Variants in PAX7 observed in about 807,000 individuals in gnomAD.
The protein encoded by PAX7 is paired box 7, also known as paired box protein Pax-7.
In PAX7, 18 loss-of-function variants were observed where a neutral mutation model predicts 50.7. That is an observed-to-expected ratio of 0.36 (90% CI 0.25 to 0.53). The LOEUF (loss-of-function observed/expected upper bound fraction) is 0.53. Ranked by LOEUF, PAX7 falls within the 20% of genes least tolerant of loss-of-function variation. PAX7 has a pLI of 0.93. For synonymous variants in PAX7, 310 were observed against 290.4 expected (o/e 1.07, Z -0.69); for missense variants, 644 against 702.9 (o/e 0.92, Z 0.95).
At chr1:18,721,026 G>A (rs866497030) in intron 7 of PAX7, among the ~76,000 whole-genome samples, 19 of 152,116 alleles carry the variant, frequency 1.2e-4, no homozygotes, top group Non-Finnish European at 2.4e-4. Context: ...GTTGGTCCAC[G>A]GGAGCAGCAG....
chr1:18,651,633 GA>G (rs1219408272), intron 4 of PAX7, among the ~76,000 whole-genome samples: 2 of 152,212 alleles, frequency 1.3e-5, no homozygotes, highest in Non-Finnish European at 2.9e-5. Flanking sequence ...TGAATCCGCA[GA>G]ATTAATTTAT....
chr1:18,688,556 A>G (rs2089010913), intron 4 of PAX7, among the ~76,000 whole-genome samples: 1 of 152,272 alleles, frequency 6.6e-6, no homozygotes, highest in Non-Finnish European at 1.5e-5. Context: ...GTCATCGCAG[A>G]AACTTCTATT....
chr1:18,670,563 G>A (rs1041960999), intron 4 of PAX7, among the ~76,000 whole-genome samples: 5 of 152,030 alleles, frequency 3.3e-5, no homozygotes, highest in African/African-American at 7.3e-5. Context: ...GCTTTCCCTC[G>A]GGCCTGAGCT....
intron 4 of PAX7, among the ~76,000 whole-genome samples, chr1:18,648,593 T>C (rs1364446947): frequency 2.0e-5 from 3 of 152,164 alleles, no homozygotes; most frequent in Non-Finnish European, 2.9e-5. Flanking sequence ...TCCTCCCATC[T>C]TGGCCTCCCA....
chr1:18,719,437 G>A (rs1046965455), intron 7 of PAX7, among the ~76,000 whole-genome samples: 17 of 152,314 alleles, frequency 1.1e-4, no homozygotes, highest in South Asian at 2.1e-4. Flanking sequence ...GTGCGCTCTC[G>A]GAACCCAGCC....
chr1:18,706,086 T>C (rs1412730367), intron 7 of PAX7, among the ~76,000 whole-genome samples: 1 of 152,136 alleles, frequency 6.6e-6, no homozygotes, highest in Non-Finnish European at 1.5e-5. Flanking sequence ...TTTCTGGGTC[T>C]TGTACAAAAG....
intron 6 of PAX7, among the ~76,000 whole-genome samples, chr1:18,701,611 G>A (rs567067089): frequency 6.6e-6 from 1 of 152,216 alleles, no homozygotes; most frequent in East Asian, 1.9e-4. Context: ...GCCTCTCTCT[G>A]GAAAGATCCA....
intron 4 of PAX7, among the ~76,000 whole-genome samples, chr1:18,661,815 GC>G (rs1469133839): frequency 6.6e-6 from 1 of 152,196 alleles, no homozygotes; most frequent in African/African-American, 2.4e-5. Context: ...ATGGAGCACA[GC>G]CCTGCCCTCT....
rs2088158317 is a variant in PAX7 at position 18,636,431 on chromosome 1, G to C, written c.586+60G>C. 2.6e-6 allele frequency: 4 copies of C among 1,565,286 alleles called. No individual in the cohort carries two copies. Among genetic ancestry groups the C allele is most frequent in the African/African-American group, 1.4e-5 (1 of 72,756 alleles). Reference sequence around the variant, plus strand: ...CGGGTTTTCCCACGCTCCGGTGTGCGGGCCAGTGGTTCGCTCCCGCCGCCG... The same window carrying C: ...CGGGTTTTCCCACGCTCCGGTGTGCCGGCCAGTGGTTCGCTCCCGCCGCCG... On this transcript the variant is annotated intron_variant, in intron 4 of 8. Transcript: ENST00000420770. The surrounding 1 kb of genome is among the most constrained non-coding windows in gnomAD (Gnocchi z 5.1).
At position 18,663,647 on chromosome 1, in the gene PAX7, G is replaced by A. The variant is rs555538094; in HGVS notation, c.586+27276G>A. ...TCCACCCGTCTCGGCCTCCCAAAGT[G>A]CTGGGCTTACAGGCGTGAGCCACCA... On this transcript the variant is annotated intron_variant, in intron 4 of 8. Transcript: ENST00000420770. Among the ~76,000 whole-genome samples the A allele has an allele frequency of 9.1e-4, 138 of 152,314 alleles. 2 individuals carry two copies. The South Asian group carries it at 0.012, about 13-fold the overall frequency.
At chr1:18,651,700 C>A (rs1362811790) in intron 4 of PAX7, among the ~76,000 whole-genome samples, 1 of 152,062 alleles carries the variant, frequency 6.6e-6, no homozygotes, top group Non-Finnish European at 1.5e-5. Context: ...CTCAGGGTCC[C>A]CCAAAGGTTA....
intron 4 of PAX7, among the ~76,000 whole-genome samples, chr1:18,645,139 TGC>T (rs941376540): frequency 6.6e-6 from 1 of 152,120 alleles, no homozygotes. Flanking sequence ...TGAGTGTGTG[TGC>T]GCGCGCGCGC....
intron 4 of PAX7, among the ~76,000 whole-genome samples, chr1:18,689,633 G>A (rs2089038395): frequency 6.6e-6 from 1 of 152,240 alleles, no homozygotes; most frequent in Non-Finnish European, 1.5e-5. Context: ...CAGGATGGAA[G>A]GAAGTGGGCC....
chr1:18,693,944 A>C (rs2089113885), intron 5 of PAX7, among the ~76,000 whole-genome samples: 1 of 152,126 alleles, frequency 6.6e-6, no homozygotes, highest in Admixed American at 6.5e-5. Flanking sequence ...GGGAATGGAG[A>C]GGCAGCCGGA....
chr1:18,651,114 G>C (rs1557509643), intron 4 of PAX7, among the ~76,000 whole-genome samples: 1 of 152,128 alleles, frequency 6.6e-6, no homozygotes, highest in East Asian at 1.9e-4. Flanking sequence ...CTGAGCTGTG[G>C]CTTCCCCTCT....
chr1:18,683,096 T>C (rs1453030387), intron 4 of PAX7, among the ~76,000 whole-genome samples: 2 of 152,122 alleles, frequency 1.3e-5, no homozygotes, highest in Admixed American at 1.3e-4. Flanking sequence ...GGCGGTTGAC[T>C]CAGTGGCTCT....
At position 18,687,300 on chromosome 1, in the gene PAX7, G is replaced by A. The variant is rs141231324; in HGVS notation, c.587-4454G>A. Among the ~76,000 whole-genome samples, 439 of 152,206 alleles carry A rather than the reference G, an allele frequency of 2.9e-3. 2 individuals carry two copies. The highest frequency in any genetic ancestry group is 0.017 in the Middle Eastern group (5 of 294). Reference sequence around the variant, plus strand: ...GGAGAAAACCAAGGTCCTGAGAAGGGGAGCGACTTGTCCAAGACCACACAG... The same window carrying A: ...GGAGAAAACCAAGGTCCTGAGAAGGAGAGCGACTTGTCCAAGACCACACAG... On this transcript the variant is annotated intron_variant, in intron 4 of 8. Transcript: ENST00000420770.
intron 4 of PAX7, among the ~76,000 whole-genome samples, chr1:18,639,395 A>ATTTTTTTTT (rs3079731): frequency 2.7e-4 from 40 of 149,318 alleles, no homozygotes; most frequent in African/African-American, 9.3e-4. Context: ...GGCTGTTCAT[A>ATTTTTTTTT]TTTTTTTTTT....
chr1:18,661,383 C>A (rs2088597598), intron 4 of PAX7, among the ~76,000 whole-genome samples: 1 of 152,192 alleles, frequency 6.6e-6, no homozygotes, highest in African/African-American at 2.4e-5. Context: ...TCCTCCCACC[C>A]CAAACTTGCC....
Sources: allele counts gnomAD v4.1 joint callset (sites outside exome capture counted in the v4.1 genomes callset), GRCh38; gene constraint gnomAD v4.1.1; non-coding constraint Gnocchi (gnomAD v3.1); transcripts MANE v1.5; gene names NCBI Gene and HGNC (gene_info 2026-07-23, HGNC 2026-07-21).